Variants in DST observed in about 807,000 individuals in gnomAD.
The protein encoded by DST is dystonin.
A neutral mutation model predicts 875.2 loss-of-function variants in DST; 253 were observed. The ratio of observed to expected loss-of-function variants is 0.29; its 90% confidence interval spans 0.26 to 0.32. DST has a LOEUF of 0.32. Ranked by LOEUF, DST falls within the 10% of genes least tolerant of loss-of-function variation. The pLI is 1.00. For synonymous variants in DST, 3,124 were observed against 3,197.1 expected (o/e 0.98, Z 0.77); for missense variants, 8,287 against 9,111.6 (o/e 0.91, Z 3.68).
chr6:56,944,855 G>A (rs1287886212), intron 2 of DST, among the ~76,000 whole-genome samples: 1 of 152,212 alleles, frequency 6.6e-6, no homozygotes, highest in Non-Finnish European at 1.5e-5. Flanking sequence ...GTTCTGGCCA[G>A]TGAAGGGTAA....
intron 101 of DST, among the ~76,000 whole-genome samples, 188 bp from the exon 102 acceptor site, chr6:56,463,344 C>G (rs1284702609): frequency 6.6e-6 from 1 of 152,164 alleles, no homozygotes; most frequent in Non-Finnish European, 1.5e-5. Context: ...AAAAATCAAT[C>G]TGGAAGATCA....
In DST at chr6:56,634,521, G is replaced by A; in HGVS notation, c.3435C>T (p.Val1145=). The part of the protein sequence containing the change: ...VISPTGNEAM[V]PSVCFTVPPP... ...GAGGAACGGTGAAGCACACAGATGG[G>A]ACCATAGCCTCATTCCCAGTAGGAC... The change falls in exon 26 of 104, where the codon GTC becomes GTT. Residue 1145 remains valine (V), a synonymous_variant. Coordinates refer to ENST00000680361, the MANE Select transcript of DST (RefSeq NM_001374736.1). 1.2e-6 allele frequency: 2 copies of A among 1,614,174 alleles called. No individual in the cohort carries two copies. Among genetic ancestry groups the A allele is most frequent in the South Asian group, 2.2e-5 (2 of 91,070 alleles).
chr6:56,837,829 C>T (rs2099795461), intron 4 of DST, among the ~76,000 whole-genome samples: 1 of 151,728 alleles, frequency 6.6e-6, no homozygotes, highest in South Asian at 2.1e-4. Context: ...CAAAGCTTTT[C>T]CCCAGCCTAA....
intron 2 of DST, among the ~76,000 whole-genome samples, chr6:56,946,869 A>G (rs1819771631): frequency 6.6e-6 from 1 of 152,212 alleles, no homozygotes; most frequent in Admixed American, 6.5e-5. Flanking sequence ...ATACATTTCA[A>G]ATACTTTCAA....
intron 10 of DST, among the ~76,000 whole-genome samples, chr6:56,667,010 A>AC (rs2099075658): frequency 6.6e-6 from 1 of 151,904 alleles, no homozygotes; most frequent in African/African-American, 2.4e-5. Context: ...AAAAAAAAAA[A>AC]CTCCAAAGAA....
rs115437648 is a variant in DST, at chr6:56,627,983, A to C, written c.4638+16T>G. 6.2e-7 allele frequency: 1 copy of C among 1,612,310 alleles called. No homozygotes were observed. The highest frequency in any genetic ancestry group is 1.3e-5 in the African/African-American group (1 of 74,868). On this transcript the variant is annotated intron_variant, in intron 33 of 103. Transcript: ENST00000680361. Reference sequence around the variant, plus strand: ...ATGCAGACATAACCTCAGTAGAGGGAATTATTTTTACATACCTTCTGTTGA... The same window carrying C: ...ATGCAGACATAACCTCAGTAGAGGGCATTATTTTTACATACCTTCTGTTGA...
chr6:56,576,588 A>G (rs1183670810), intron 50 of DST, among the ~76,000 whole-genome samples: 2 of 152,144 alleles, frequency 1.3e-5, no homozygotes, highest in East Asian at 3.9e-4. Context: ...GGGGAGAAAT[A>G]CACACACATC....
intron 64 of DST, 108 bp from the exon 65 acceptor site, chr6:56,530,241 T>C (rs893021538): frequency 3.9e-6 from 3 of 765,906 alleles, no homozygotes; most frequent in African/African-American, 1.8e-5. Flanking sequence ...CTGTAGAAAC[T>C]ATCTAAGGTT....
intron 80 of DST, among the ~76,000 whole-genome samples, chr6:56,499,978 C>A (rs1354951225): frequency 6.6e-6 from 1 of 151,934 alleles, no homozygotes; most frequent in Admixed American, 6.6e-5. Context: ...AAAATAAATC[C>A]AAATTGTTTA....
Position 56,804,781 on chromosome 6 carries a change from A to C in DST, c.625+46616T>G, listed in dbSNP as rs1204232835. 2.6e-5 allele frequency among the ~76,000 whole-genome samples: 4 copies of C among 152,246 alleles called. No individual in the cohort carries two copies. The East Asian group carries it at 7.7e-4, about 29-fold the overall frequency. ...TTACATACAAGAACACTTCTCGCCC[A>C]TTACTGATTCATAAAAAGTAGAATC... is the stretch of plus-strand genomic sequence containing the variant. On this transcript the variant is annotated intron_variant, in intron 4 of 103. Transcript: ENST00000680361.
intron 4 of DST, among the ~76,000 whole-genome samples, chr6:56,743,645 AAC>A (rs144612886): frequency 8.4e-4 from 128 of 151,834 alleles, no homozygotes; most frequent in African/African-American, 2.9e-3. Flanking sequence ...ACACATATAT[AAC>A]ACACACACAC....
intron 4 of DST, among the ~76,000 whole-genome samples, chr6:56,760,195 T>A (rs1443315171): frequency 6.6e-6 from 1 of 152,140 alleles, no homozygotes; most frequent in African/African-American, 2.4e-5. Flanking sequence ...TAGAGGCAAA[T>A]AATTTAATAG....
chr6:56,584,548 AT>A (rs1168681116), intron 49 of DST, among the ~76,000 whole-genome samples: 1 of 150,722 alleles, frequency 6.6e-6, no homozygotes, highest in African/African-American at 2.5e-5. Context: ...AACAGGGACA[AT>A]TTGACTTCCT....
intron 17 of DST, among the ~76,000 whole-genome samples, chr6:56,641,574 C>A (rs2098902845): frequency 6.6e-6 from 1 of 152,078 alleles, no homozygotes; most frequent in Non-Finnish European, 1.5e-5. Flanking sequence ...GGTGAGAGAG[C>A]AAAACTGCAT....
rs187049452 is a variant in DST, at chr6:56,738,780, G to A, written c.626-3491C>T. 2.5e-4 allele frequency among the ~76,000 whole-genome samples: 38 copies of A among 151,908 alleles called. No homozygotes were observed. The South Asian group carries it at 4.8e-3, about 19-fold the overall frequency. On this transcript the variant is annotated intron_variant, in intron 4 of 103. Transcript: ENST00000680361. ...TGGGACTACAGGTGCATGTCACCAC[G>A]CTTGGTGAATTTTTGCATTTTTTGC...
At chr6:56,686,306 A>G (rs2099186777) in intron 9 of DST, among the ~76,000 whole-genome samples, 1 of 152,194 alleles carries the variant, frequency 6.6e-6, no homozygotes, top group African/African-American at 2.4e-5. Context: ...AAAAGTGGGG[A>G]TCATAAGAGT....
chr6:56,693,150 T>C (rs2099243408), intron 9 of DST: 2 of 1,280,276 alleles, frequency 1.6e-6, no homozygotes, highest in Non-Finnish European at 2.0e-6. Flanking sequence ...CATTCCCCAT[T>C]TGATTTGTAG....
intron 4 of DST, among the ~76,000 whole-genome samples, chr6:56,835,146 A>G (rs1301934901): frequency 6.6e-6 from 1 of 152,210 alleles, no homozygotes; most frequent in Non-Finnish European, 1.5e-5. Flanking sequence ...AACATAAAAT[A>G]TAGAGAGAGC....
chr6:56,626,106 A>G (rs1456398126), intron 34 of DST, among the ~76,000 whole-genome samples: 1 of 152,026 alleles, frequency 6.6e-6, no homozygotes, highest in South Asian at 2.1e-4. Flanking sequence ...GAAAAGAGTC[A>G]AAAGGTTAAA....
Sources: gnomAD v4.1 joint callset for allele counts (sites outside exome capture counted in the v4.1 genomes callset) on GRCh38, gnomAD v4.1.1 for gene constraint, MANE v1.5 for transcripts, NCBI Gene and HGNC (gene_info 2026-07-23, HGNC 2026-07-21) for gene names.